Variants in PACRG observed in about 807,000 individuals in gnomAD.
The protein encoded by PACRG is parkin coregulated, also known as parkin coregulated gene protein.
PACRG carries 29 observed loss-of-function variants against 29.7 expected under a neutral mutation model. That is an observed-to-expected ratio of 0.98 (90% CI 0.73 to 1.33). PACRG has a LOEUF of 1.33. PACRG is among the 40% of genes most tolerant of loss of function. The pLI is 0.00. For synonymous variants in PACRG, 116 were observed against 118.7 expected (o/e 0.98, Z 0.15); for missense variants, 279 against 316.2 (o/e 0.88, Z 0.89).
chr6:163,021,989 A>G lies in PACRG; in HGVS notation c.292-40161A>G, dbSNP rs185636008. 3.2e-3 allele frequency among the ~76,000 whole-genome samples: 488 copies of G among 152,350 alleles called. 3 individuals are homozygous for G. Among genetic ancestry groups the G allele is most frequent in the Middle Eastern group, 0.017 (5 of 294 alleles). On this transcript the variant is annotated intron_variant, in intron 2 of 4. Transcript: ENST00000366888. ...CTTCTTTTGAGAATTCTGACTTTTC[A>G]AAAGTAGTGATGCACAGCCGACCAC...
chr6:163,054,702 C>G (rs1347097434), intron 2 of PACRG, among the ~76,000 whole-genome samples: 1 of 152,120 alleles, frequency 6.6e-6, no homozygotes, highest in African/African-American at 2.4e-5. Flanking sequence ...GCCAGAGTCC[C>G]TGCTAGGGTG....
chr6:163,050,883 T>G (rs571826165), intron 2 of PACRG, among the ~76,000 whole-genome samples: 1 of 152,220 alleles, frequency 6.6e-6, no homozygotes. Context: ...CCTCTGAATA[T>G]TTACATCTTT....
intron 1 of PACRG, among the ~76,000 whole-genome samples, chr6:162,730,265 A>G (rs1779659878): frequency 1.3e-5 from 2 of 152,206 alleles, no homozygotes; most frequent in Non-Finnish European, 2.9e-5. Context: ...TTCATAACCA[A>G]TATTTACATT....
At chr6:163,034,202 G>T (rs1182946847) in intron 2 of PACRG, among the ~76,000 whole-genome samples, 1 of 152,126 alleles carries the variant, frequency 6.6e-6, no homozygotes, top group Non-Finnish European at 1.5e-5. Context: ...AGTAGCAAAG[G>T]GATCTTTTCC....
At chr6:162,949,236 G>C (rs1799467845) in intron 2 of PACRG, among the ~76,000 whole-genome samples, 1 of 152,146 alleles carries the variant, frequency 6.6e-6, no homozygotes, top group South Asian at 2.1e-4. Flanking sequence ...TATGTTAAGT[G>C]AAATAAGCCA....
At chr6:162,938,080 C>T (rs2128114629) in intron 2 of PACRG, among the ~76,000 whole-genome samples, 1 of 152,142 alleles carries the variant, frequency 6.6e-6, no homozygotes, top group African/African-American at 2.4e-5. Flanking sequence ...TCCCCAAGGT[C>T]CATTGTGTCA....
intron 2 of PACRG, among the ~76,000 whole-genome samples, chr6:163,015,545 T>C (rs1014507246): frequency 6.6e-6 from 1 of 152,176 alleles, no homozygotes; most frequent in Non-Finnish European, 1.5e-5. Flanking sequence ...ATTTTGTAGT[T>C]CTGCTTGTAG....
intron 4 of PACRG, among the ~76,000 whole-genome samples, chr6:163,154,481 G>A (rs995867763): frequency 2.0e-5 from 3 of 152,138 alleles, no homozygotes; most frequent in Non-Finnish European, 2.9e-5. Flanking sequence ...GAATGCTGGC[G>A]TCCCCAGTAT....
rs769079295 is a variant in PACRG at position 162,946,745 on chromosome 6, C to A, written c.292-115405C>A. Among the ~76,000 whole-genome samples, 9 of 152,092 alleles carry A rather than the reference C, an allele frequency of 5.9e-5. No homozygotes were observed. In the South Asian group the frequency reaches 6.2e-4, roughly 11 times the overall value. On this transcript the variant is annotated intron_variant, in intron 2 of 4. Transcript: ENST00000366888. ...AATCCCCAACAAAATACTAGCAAAC[C>A]AAATTCAACTGCATATCAAAAAGAT...
intron 2 of PACRG, among the ~76,000 whole-genome samples, chr6:163,044,226 T>G (rs1809072794): frequency 6.6e-6 from 1 of 150,576 alleles, no homozygotes; most frequent in African/African-American, 2.5e-5. Flanking sequence ...TGGAGTGCAG[T>G]GGCACGATCA....
At chr6:162,770,308 C>A (rs1419467364) in intron 1 of PACRG, among the ~76,000 whole-genome samples, 1 of 152,092 alleles carries the variant, frequency 6.6e-6, no homozygotes, top group African/African-American at 2.4e-5. Context: ...GCACAACTAC[C>A]CAGATTTGCA....
intron 4 of PACRG, among the ~76,000 whole-genome samples, chr6:163,145,796 A>G (rs1777772518): frequency 6.6e-6 from 1 of 152,078 alleles, no homozygotes; most frequent in Non-Finnish European, 1.5e-5. Flanking sequence ...GAGGTTACTT[A>G]CCTACATTAG....
intron 4 of PACRG, among the ~76,000 whole-genome samples, chr6:163,124,144 G>C (rs972947000): frequency 6.6e-6 from 1 of 152,156 alleles, no homozygotes; most frequent in Non-Finnish European, 1.5e-5. Flanking sequence ...TGTTTTTTGG[G>C]AGTTTTCACT....
intron 4 of PACRG, among the ~76,000 whole-genome samples, chr6:163,285,810 TA>T (rs1784382866): frequency 6.6e-6 from 1 of 152,200 alleles, no homozygotes; most frequent in Non-Finnish European, 1.5e-5. Flanking sequence ...TGACAGCATC[TA>T]GCAAAGAACA....
intron 4 of PACRG, among the ~76,000 whole-genome samples, chr6:163,277,915 A>G (rs569093134): frequency 8.4e-4 from 128 of 152,014 alleles, no homozygotes; most frequent in African/African-American, 3.0e-3. Flanking sequence ...TCTCCACACT[A>G]TTTTCCTTAG....
intron 3 of PACRG, among the ~76,000 whole-genome samples, chr6:163,078,240 C>T (rs1374032854): frequency 1.3e-5 from 2 of 152,150 alleles, no homozygotes; most frequent in South Asian, 2.1e-4. Context: ...GTGGCTCACA[C>T]CTGTAATCCC....
intron 4 of PACRG, among the ~76,000 whole-genome samples, chr6:163,224,619 A>C (rs1781715993): frequency 6.6e-6 from 1 of 152,122 alleles, no homozygotes; most frequent in Non-Finnish European, 1.5e-5. Context: ...GTATTGAGAA[A>C]ACTGGATATC....
intron 2 of PACRG, among the ~76,000 whole-genome samples, chr6:163,015,101 G>A (rs1040260005): frequency 6.6e-6 from 1 of 152,094 alleles, no homozygotes; most frequent in Admixed American, 6.6e-5. Flanking sequence ...TTATTAAATA[G>A]GAAGTCGTCT....
intron 4 of PACRG, among the ~76,000 whole-genome samples, chr6:163,183,946 C>A (rs1269480172): frequency 2.6e-5 from 4 of 152,158 alleles, no homozygotes; most frequent in Non-Finnish European, 5.9e-5. Context: ...CTGTAGGAAG[C>A]TCATCACTCT....
Sources: allele counts gnomAD v4.1 joint callset (sites outside exome capture counted in the v4.1 genomes callset), GRCh38; gene constraint gnomAD v4.1.1; transcripts MANE v1.5; gene names NCBI Gene and HGNC (gene_info 2026-07-23, HGNC 2026-07-21).